Variants in ADAMTSL1 observed in about 807,000 individuals in gnomAD.
ADAMTSL1 encodes ADAMTS like 1, also known as ADAMTS-like protein 1.
Under a neutral mutation model 201.8 loss-of-function variants are expected in ADAMTSL1, and 126 were observed. The ratio of observed to expected loss-of-function variants is 0.62; its 90% CI spans 0.54 to 0.72. The LOEUF is 0.72. Ranked by LOEUF, ADAMTSL1 falls within the 30% of genes least tolerant of loss-of-function variation. The pLI, the probability that ADAMTSL1 is intolerant of heterozygous loss-of-function variation, is 0.00. For missense variants in ADAMTSL1, 2,679 were observed against 2,277.8 expected (o/e 1.18, Z -3.59); for synonymous variants, 1,121 against 903.4 (o/e 1.24, Z -4.32).
intron 2 of ADAMTSL1, among the ~76,000 whole-genome samples, chr9:18,367,905 T>C (rs985805380): frequency 8.6e-5 from 13 of 151,972 alleles, no homozygotes; most frequent in African/African-American, 2.9e-4. Flanking sequence ...TATTTTATTT[T>C]ATTTTATTTT....
chr9:18,441,803 C>T (rs1477951401), intron 2 of ADAMTSL1, among the ~76,000 whole-genome samples: 1 of 152,108 alleles, frequency 6.6e-6, no homozygotes, highest in Non-Finnish European at 1.5e-5. Context: ...ACAGTTTCTC[C>T]AAATGGTTGA....
chr9:18,311,202 C>G (rs1271651789), intron 2 of ADAMTSL1, among the ~76,000 whole-genome samples: 1 of 150,992 alleles, frequency 6.6e-6, no homozygotes, highest in African/African-American at 2.4e-5. Context: ...TGAGGCCTGT[C>G]AGGGGGTGGG....
At chr9:18,503,421 GTATATATATA>G (rs10673652) in intron 1 of ADAMTSL1, among the ~76,000 whole-genome samples, 5 of 115,274 alleles carry the variant, frequency 4.3e-5, no homozygotes, top group African/African-American at 1.5e-4. Flanking sequence ...ATTCCATTGT[GTATATATATA>G]TATATATATA....
rs573484484 is a variant in ADAMTSL1 at position 17,999,711 on chromosome 9, G to A, written c.87+92789G>A. On this transcript the variant is annotated intron_variant, in intron 1 of 29. Transcript: ENST00000680146. ...GCTGGTGCGCTGCACCCACTAACTCGTCATCTAGCATTAGGTGTATCTCCC... is the reference window on the plus strand; with the variant it reads ...GCTGGTGCGCTGCACCCACTAACTCATCATCTAGCATTAGGTGTATCTCCC... Among the ~76,000 whole-genome samples the A allele has an allele frequency of 7.3e-5, 11 of 150,110 alleles. No individual in the cohort carries two copies. The South Asian group carries it at 1.9e-3, about 26-fold the overall frequency.
intron 1 of ADAMTSL1, among the ~76,000 whole-genome samples, chr9:18,110,122 T>C (rs1824940323): frequency 6.6e-6 from 1 of 152,222 alleles, no homozygotes; most frequent in South Asian, 2.1e-4. Context: ...CCCTAGAGAC[T>C]ACTTTCAGTT....
chr9:18,147,602 A>G (rs546547921), intron 1 of ADAMTSL1, among the ~76,000 whole-genome samples: 22 of 152,196 alleles, frequency 1.4e-4, no homozygotes, highest in Non-Finnish European at 2.5e-4. Flanking sequence ...TATAAGTCTC[A>G]TTTTCACTGC....
intron 2 of ADAMTSL1, among the ~76,000 whole-genome samples, chr9:18,530,260 A>G (rs1281272219): frequency 1.3e-5 from 2 of 152,208 alleles, no homozygotes; most frequent in Non-Finnish European, 2.9e-5. Flanking sequence ...CAAGTGGAAG[A>G]ACAAAATCTA....
In ADAMTSL1 at chr9:18,770,818, A is replaced by G. The variant is rs1359295219; in HGVS notation, c.2397+37A>G. On this transcript the variant is annotated intron_variant, in intron 17 of 28. Transcript: ENST00000380548. ...CCTCCGAAGAGAATGAAAGAGATCC[A>G]AGTAGGAAAAGAAGGCACCCCAGAC... 3.1e-6 allele frequency: 5 copies of G among 1,596,258 alleles called. No individual in the cohort carries two copies. In the East Asian group the frequency reaches 1.1e-4, roughly 36 times the overall value.
intron 7 of ADAMTSL1, among the ~76,000 whole-genome samples, chr9:18,641,812 C>G (rs768094983): frequency 2.0e-5 from 3 of 151,888 alleles, no homozygotes; most frequent in Admixed American, 6.6e-5. Context: ...TATCAGTTTT[C>G]ATGACTTAGC....
chr9:18,822,586 G>C (rs559275984), intron 21 of ADAMTSL1, among the ~76,000 whole-genome samples: 2 of 152,062 alleles, frequency 1.3e-5, no homozygotes, highest in African/African-American at 4.8e-5. Context: ...GTAGGGAACT[G>C]GGGGGAACAG....
chr9:18,439,043 G>T (rs2133444500), intron 2 of ADAMTSL1, among the ~76,000 whole-genome samples: 1 of 148,734 alleles, frequency 6.7e-6, no homozygotes, highest in East Asian at 2.0e-4. Flanking sequence ...TATCCATATT[G>T]GTTTCCTGCA....
At chr9:18,529,745 T>C (rs760125330) in intron 2 of ADAMTSL1, among the ~76,000 whole-genome samples, 4 of 152,122 alleles carry the variant, frequency 2.6e-5, no homozygotes, top group Non-Finnish European at 4.4e-5. Flanking sequence ...TACTTAAGCA[T>C]TACCACCTTA....
At chr9:18,823,090 C>T (rs2131218938) in intron 21 of ADAMTSL1, among the ~76,000 whole-genome samples, 1 of 152,318 alleles carries the variant, frequency 6.6e-6, no homozygotes, top group Non-Finnish European at 1.5e-5. Flanking sequence ...ATATCATTCT[C>T]CACCTAAGGC....
At chr9:18,774,157 C>T (rs1820848520) in intron 17 of ADAMTSL1, among the ~76,000 whole-genome samples, 1 of 152,158 alleles carries the variant, frequency 6.6e-6, no homozygotes, top group Non-Finnish European at 1.5e-5. Context: ...CAGCCTCCTT[C>T]CCCGATGCCC....
At chr9:18,720,466 G>C (rs1416141965) in intron 14 of ADAMTSL1, among the ~76,000 whole-genome samples, 1 of 152,156 alleles carries the variant, frequency 6.6e-6, no homozygotes, top group Non-Finnish European at 1.5e-5. Context: ...GAAATGTCTG[G>C]TCATTACATT....
chr9:18,690,052 A>G (rs957309871), intron 13 of ADAMTSL1, among the ~76,000 whole-genome samples: 2 of 152,240 alleles, frequency 1.3e-5, no homozygotes, highest in African/African-American at 2.4e-5. Flanking sequence ...TAATATCTGG[A>G]TGCCAGATGG....
At chr9:18,143,083 T>C (rs1408797942) in intron 1 of ADAMTSL1, among the ~76,000 whole-genome samples, 2 of 152,186 alleles carry the variant, frequency 1.3e-5, no homozygotes, top group Admixed American at 1.3e-4. Flanking sequence ...AGGGCAGCAT[T>C]GAGCCTGGAC....
At chr9:18,896,781 C>G (rs1754098852) in intron 26 of ADAMTSL1, among the ~76,000 whole-genome samples, 1 of 152,164 alleles carries the variant, frequency 6.6e-6, no homozygotes, top group African/African-American at 2.4e-5. Flanking sequence ...GTTTGACACA[C>G]AGAGCTGTGC....
At chr9:17,920,399 A>G (rs1308321979) in intron 1 of ADAMTSL1, among the ~76,000 whole-genome samples, 1 of 151,976 alleles carries the variant, frequency 6.6e-6, no homozygotes, top group East Asian at 1.9e-4. Flanking sequence ...AGATTCCTCA[A>G]CCTCCAGAAA....
Sources: gnomAD v4.1 joint callset for allele counts (sites outside exome capture counted in the v4.1 genomes callset) on GRCh38, gnomAD v4.1.1 for gene constraint, MANE v1.5 for transcripts, NCBI Gene and HGNC (gene_info 2026-07-23, HGNC 2026-07-21) for gene names.